Variants in PCDHA6 observed in about 807,000 individuals in gnomAD.
PCDHA6 encodes the protein protocadherin alpha-6.
PCDHA6 carries 55 observed loss-of-function variants against 60.3 expected under a neutral mutation model. The observed-to-expected ratio is 0.91, with a 90% confidence interval of 0.73 to 1.14. PCDHA6 has a LOEUF of 1.14. PCDHA6 is among the 50% of genes most tolerant of loss of function. PCDHA6 has a pLI of 0.00. For synonymous variants in PCDHA6, 652 were observed against 557.9 expected (o/e 1.17, Z -2.38); for missense variants, 1,327 against 1,256.5 (o/e 1.06, Z -0.85).
In PCDHA6 at chr5:140,869,783, G is replaced by A. The variant is rs990827650; in HGVS notation, c.2394+39298G>A. The A allele has an allele frequency of 1.2e-5, 19 of 1,612,688 alleles. No homozygotes were observed. In the African/African-American group the frequency reaches 1.2e-4, roughly 10 times the overall value. ...AAACCAGAGCTTACTGGCACCGTTC[G>A]GCTGTTAGTCCAAGTCTTGGATGTC... On this transcript the variant is annotated intron_variant, in intron 1 of 3. Coordinates refer to ENST00000529310, the MANE Select transcript of PCDHA6 (RefSeq NM_018909.4).
chr5:140,832,282 A>C (rs1771893772), intron 1 of PCDHA6, among the ~76,000 whole-genome samples: 4 of 152,208 alleles, frequency 2.6e-5, no homozygotes, highest in Admixed American at 2.6e-4. Flanking sequence ...ATTAAGCATG[A>C]ATGGTGTATT....
intron 1 of PCDHA6, chr5:140,927,386 C>T: frequency 6.2e-7 from 1 of 1,614,106 alleles, no homozygotes; most frequent in African/African-American, 1.3e-5. Flanking sequence ...AGCCTAAGCC[C>T]CAGTCAGCAC....
chr5:140,858,010 C>A, intron 1 of PCDHA6: 2 of 1,596,490 alleles, frequency 1.3e-6, no homozygotes, highest in Middle Eastern at 3.3e-4. Flanking sequence ...AGGACCATGG[C>A]GAGCCGTCGC....
At chr5:140,835,382 T>C (rs2150234724) in intron 1 of PCDHA6, 2 of 1,613,964 alleles carry the variant, frequency 1.2e-6, no homozygotes, top group East Asian at 4.5e-5. Context: ...TGGCTGGTCA[T>C]TGTACAGTTC....
chr5:140,984,982 G>A lies in PCDHA6; in HGVS notation c.2542+2419G>A, dbSNP rs544151858. On this transcript the variant is annotated intron_variant, in intron 3 of 3. Coordinates refer to ENST00000529310, the MANE Select transcript of PCDHA6 (RefSeq NM_018909.4). ...AGACAGAGTCTCGCTCTGTCCCCCA[G>A]GCTGGAGTCCAGTGGCACGATATCG... Among the ~76,000 whole-genome samples the A allele has an allele frequency of 1.1e-3, 174 of 152,116 alleles. 2 individuals are homozygous for A. In the South Asian group the frequency reaches 0.016, roughly 14 times the overall value.
At chr5:140,968,808 T>C in intron 1 of PCDHA6, 1 of 1,614,204 alleles carries the variant, frequency 6.2e-7, no homozygotes, top group South Asian at 1.1e-5. Context: ...GTAGCTGTGG[T>C]GGATAGGGTT....
rs148688132 is a variant in PCDHA6, at chr5:140,902,203, CTT to C, written c.2394+71735_2394+71736del. Among the ~76,000 whole-genome samples the C allele has an allele frequency of 5.2e-3, 642 of 124,424 alleles. 3 individuals are homozygous for C. The highest frequency in any genetic ancestry group is 0.019 in the African/African-American group (601 of 32,314). 81.6% of individuals were successfully genotyped at this position (124,424 alleles called of 152,430 possible). The stretch of plus-strand genomic sequence containing the variant: ...TTATGTCTTCTCTCTCTCTCTCTTT[CTT>C]TTTTTTTTTTTTTTTTGAGATGAGG... On this transcript the variant is annotated intron_variant, in intron 1 of 3. Coordinates refer to ENST00000529310, the MANE Select transcript of PCDHA6 (RefSeq NM_018909.4).
intron 1 of PCDHA6, chr5:140,861,357 G>A (rs560903391): frequency 3.0e-5 from 10 of 335,976 alleles, no homozygotes; most frequent in East Asian, 7.7e-5. Context: ...GGCACATAGC[G>A]TCTTCGCGGT....
chr5:140,882,510 A>G (rs1276139359), intron 1 of PCDHA6: 1 of 1,614,046 alleles, frequency 6.2e-7, no homozygotes, highest in East Asian at 2.2e-5. Context: ...AATCTGCAGA[A>G]TGGCATTTTG....
intron 1 of PCDHA6, chr5:140,847,908 G>GA (rs1781243809): frequency 6.7e-6 from 1 of 149,496 alleles, no homozygotes; most frequent in Non-Finnish European, 1.5e-5. Context: ...AGATTTCTGG[G>GA]CTCCTATATT....
At chr5:140,997,091 G>A (rs73268064) in intron 3 of PCDHA6, among the ~76,000 whole-genome samples, 546 of 152,154 alleles carry the variant, frequency 3.6e-3, no homozygotes, top group Middle Eastern at 0.014. Flanking sequence ...AGAAAGTGCA[G>A]AGTTCTCATG....
Position 140,912,662 on chromosome 5 carries a change from T to C in PCDHA6, c.2395-66287T>C, listed in dbSNP as rs145118694. 1.9e-3 allele frequency among the ~76,000 whole-genome samples: 286 copies of C among 152,264 alleles called. 1 individual carries two copies. The highest frequency in any genetic ancestry group is 6.7e-3 in the African/African-American group (280 of 41,548). Reference sequence around the variant, plus strand: ...CTATGTTGAATAGAAGTGGTGAAAATGGGCATCCTTGACTTATTCCAGGTC... The same window carrying C: ...CTATGTTGAATAGAAGTGGTGAAAACGGGCATCCTTGACTTATTCCAGGTC... On this transcript the variant is annotated intron_variant, in intron 1 of 3. Coordinates refer to ENST00000529310, the MANE Select transcript of PCDHA6 (RefSeq NM_018909.4).
At chr5:140,876,938 T>C in intron 1 of PCDHA6, 1 of 1,613,716 alleles carries the variant, frequency 6.2e-7, no homozygotes, top group East Asian at 2.2e-5. Context: ...AAGAACGCGC[T>C]GGTGTCCTAC....
In PCDHA6 at chr5:141,010,358, C is replaced by G; in HGVS notation, c.*421C>G. 1 of 1,488,620 alleles carries G rather than the reference C, an allele frequency of 6.7e-7. No homozygotes were observed. The highest frequency in any genetic ancestry group is 1.3e-5 in the South Asian group (1 of 76,158). 92.2% of individuals were successfully genotyped at this position (1,488,620 alleles called of 1,614,324 possible). On this transcript the variant is annotated 3_prime_UTR_variant, in exon 4 of 4. Transcript: ENST00000529310. ...GTGGCCACTGGGTATGTGTGGCTAC[C>G]GCGGGTATGCGAGTGCCAGATATTG...
At chr5:140,956,754 C>T (rs1470553559) in intron 1 of PCDHA6, among the ~76,000 whole-genome samples, 5 of 152,140 alleles carry the variant, frequency 3.3e-5, no homozygotes, top group African/African-American at 1.2e-4. Flanking sequence ...TGATAGAATT[C>T]AGCTGTAAAT....
intron 1 of PCDHA6, among the ~76,000 whole-genome samples, chr5:140,912,103 G>A (rs1431283462): frequency 6.6e-6 from 1 of 152,212 alleles, no homozygotes; most frequent in Non-Finnish European, 1.5e-5. Context: ...GGAGAAAGAT[G>A]TAGGCTGGGA....
chr5:140,956,710 CAGA>C (rs1554222572), intron 1 of PCDHA6, among the ~76,000 whole-genome samples: 1 of 152,144 alleles, frequency 6.6e-6, no homozygotes, highest in Non-Finnish European at 1.5e-5. Flanking sequence ...GGAATAGCTT[CAGA>C]AGAATTGGTA....
At chr5:140,956,953 C>T (rs1347983778) in intron 1 of PCDHA6, among the ~76,000 whole-genome samples, 1 of 135,202 alleles carries the variant, frequency 7.4e-6, no homozygotes, top group Non-Finnish European at 1.7e-5. Flanking sequence ...CATTAAAACA[C>T]TGTAATTAAT....
chr5:140,884,692 G>A, intron 1 of PCDHA6: 7 of 1,528,834 alleles, frequency 4.6e-6, no homozygotes, highest in Non-Finnish European at 6.1e-6. Context: ...AATTGTCTTA[G>A]TAAACACTTT....
Sources: gnomAD v4.1 joint callset for allele counts (sites outside exome capture counted in the v4.1 genomes callset) on GRCh38, gnomAD v4.1.1 for gene constraint, MANE v1.5 for transcripts, NCBI Gene and HGNC (gene_info 2026-07-23, HGNC 2026-07-21) for gene names.